CORO7: variants seen among roughly 807,000 people sequenced by gnomAD.
The protein encoded by CORO7 is coronin 7.
A neutral mutation model predicts 126.6 loss-of-function variants in CORO7; 107 were observed. The observed-to-expected ratio is 0.85, with a 90% confidence interval of 0.72 to 0.99. The LOEUF is 0.99. Ranked by LOEUF, CORO7 falls within the 50% of genes least tolerant of loss-of-function variation. CORO7 has a pLI of 0.00. For missense variants in CORO7, 1,314 were observed against 1,255.8 expected (o/e 1.05, Z -0.70); for synonymous variants, 603 against 536.8 (o/e 1.12, Z -1.70).
chr16:4,357,226 C>G lies in CORO7; in HGVS notation c.2627G>C (p.Arg876Pro). 6.2e-7 allele frequency: 1 copy of G among 1,613,626 alleles called. No individual in the cohort carries two copies. Among genetic ancestry groups the G allele is most frequent in the East Asian group, 2.2e-5 (1 of 44,870 alleles). Residue 876 changes from arginine to proline, a missense_variant, in exon 26 of 28, where the codon CGG becomes CCG. Transcript: ENST00000251166. ...CAGGTACTGCGCTGAGGATGGGGCC[C>G]GACGAGCAGGGGCCTCTCGGGGGGC... ...SQAPREAPARRAPSSAQYLEE... is the reference protein window; with the variant it reads ...SQAPREAPARPAPSSAQYLEE...
At chr16:4,375,313 C>G (rs1232165633) in intron 9 of CORO7, among the ~76,000 whole-genome samples, 2 of 152,202 alleles carry the variant, frequency 1.3e-5, no homozygotes, top group African/African-American at 4.8e-5. Context: ...CCAGCCCTGC[C>G]AGCTGGTCCA....
intron 4 of CORO7, 68 bp from the exon 5 acceptor site, chr16:4,407,752 C>T (rs1282277133): frequency 6.8e-7 from 1 of 1,480,076 alleles, no homozygotes; most frequent in African/African-American, 1.4e-5. Context: ...GCTGCCGTGA[C>T]CCCAGTGAGG....
intron 9 of CORO7, among the ~76,000 whole-genome samples, chr16:4,366,740 A>G (rs533347118): frequency 1.3e-5 from 2 of 151,766 alleles, no homozygotes; most frequent in African/African-American, 4.8e-5. Context: ...ACAAGGTCTC[A>G]CTATGCTTCC....
At position 4,357,211 on chromosome 16, in the gene CORO7, G is replaced by A. The variant is rs369689601; in HGVS notation, c.2642C>T (p.Ala881Val). ...GTCAGACTTTTCTTCCAGGTACTGC[G>A]CTGAGGATGGGGCCCGACGAGCAGG... ...EAPARRAPSS[A>V]QYLEEKSDQQ... The change falls in exon 26 of 28, where the codon GCG becomes GTG. Residue 881 changes from alanine (A) to valine (V), a missense_variant. Ala to Val is a moderately conservative substitution (Grantham distance 64, BLOSUM62 0). Coordinates refer to ENST00000251166, the MANE Select transcript of CORO7 (RefSeq NM_024535.5). The A allele has an allele frequency of 2.9e-5, 46 of 1,613,748 alleles. No homozygotes were observed. Among genetic ancestry groups the A allele is most frequent in the African/African-American group, 6.7e-5 (5 of 74,854 alleles).
intron 1 of CORO7, 106 bp downstream of exon 1, chr16:4,416,353 G>A: frequency 7.3e-7 from 1 of 1,360,716 alleles, no homozygotes; most frequent in Non-Finnish European, 9.5e-7. Flanking sequence ...TGGAGGTCTC[G>A]GGGTTCCAGA....
At chr16:4,376,062 C>A (rs897261692) in intron 9 of CORO7, among the ~76,000 whole-genome samples, 3 of 152,168 alleles carry the variant, frequency 2.0e-5, no homozygotes, top group Non-Finnish European at 4.4e-5. Flanking sequence ...TGGGGACCCC[C>A]GCTCAATCAC....
chr16:4,402,541 G>A (rs978042159), intron 6 of CORO7, among the ~76,000 whole-genome samples: 3 of 152,132 alleles, frequency 2.0e-5, no homozygotes, highest in Non-Finnish European at 2.9e-5. Context: ...GCCAGCGACC[G>A]GCCACCCGCC....
chr16:4,356,773 G>C (rs1009790459), intron 26 of CORO7: 1 of 225,410 alleles, frequency 4.4e-6, no homozygotes, highest in Non-Finnish European at 9.0e-6. Context: ...CAAAATCGAT[G>C]GGTTTCTATT....
intron 7 of CORO7, among the ~76,000 whole-genome samples, chr16:4,391,598 G>A (rs1404494965): frequency 1.3e-4 from 20 of 152,182 alleles, no homozygotes; most frequent in Admixed American, 1.3e-3. Context: ...TGACGTGGTG[G>A]TGCGTGCCTG....
intron 9 of CORO7, among the ~76,000 whole-genome samples, chr16:4,374,310 C>T (rs899957937): frequency 1.3e-5 from 2 of 152,108 alleles, no homozygotes; most frequent in South Asian, 2.1e-4. Context: ...CGCGCTGGGC[C>T]GCCGGCCTCC....
At chr16:4,383,866 G>C (rs1045236606) in intron 9 of CORO7, among the ~76,000 whole-genome samples, 2 of 152,244 alleles carry the variant, frequency 1.3e-5, no homozygotes, top group Admixed American at 1.3e-4. Context: ...CTGATGGGCA[G>C]TTCACTGCCT....
At chr16:4,385,364 A>G (rs2055159878) in intron 9 of CORO7, among the ~76,000 whole-genome samples, 3 of 152,080 alleles carry the variant, frequency 2.0e-5, no homozygotes, top group South Asian at 2.1e-4. Flanking sequence ...GGGAGGGCTT[A>G]GGGCCACTGT....
chr16:4,357,694 T>C, intron 25 of CORO7: 1 of 493,020 alleles, frequency 2.0e-6, no homozygotes, highest in East Asian at 3.6e-5. Flanking sequence ...TAAGAGGTGG[T>C]ATTAACAGTC....
At chr16:4,380,700 G>A (rs763210038) in intron 9 of CORO7, among the ~76,000 whole-genome samples, 1 of 152,250 alleles carries the variant, frequency 6.6e-6, no homozygotes, top group Non-Finnish European at 1.5e-5. Flanking sequence ...AGGGAGTGAC[G>A]GGGCTGGGAC....
In CORO7 at chr16:4,413,260, G is replaced by A. The variant is rs372153989; in HGVS notation, c.157+48C>T. The A allele has an allele frequency of 4.9e-5, 75 of 1,528,442 alleles. 1 individual carries two copies. The Middle Eastern group carries it at 1.1e-3, about 22-fold the overall frequency. 94.7% of individuals were successfully genotyped at this position (1,528,442 alleles called of 1,614,324 possible). On this transcript the variant is annotated intron_variant, in intron 2 of 27. Transcript: ENST00000251166. ...TGCTCCCCACCCCATCTATGGTGAC[G>A]ATGACCGAATATGTGAGCAAATATC...
At chr16:4,396,921 C>A (rs565804157) in intron 6 of CORO7, among the ~76,000 whole-genome samples, 44 of 147,848 alleles carry the variant, frequency 3.0e-4, no homozygotes, top group Admixed American at 2.8e-4. Flanking sequence ...GGGGCGGAGG[C>A]AGGAGAATCG....
At chr16:4,400,304 G>A (rs1232299163) in intron 6 of CORO7, among the ~76,000 whole-genome samples, 1 of 152,080 alleles carries the variant, frequency 6.6e-6, no homozygotes, top group African/African-American at 2.4e-5. Context: ...TTTGAGACCA[G>A]CCTGGTCAAC....
At position 4,359,300 on chromosome 16, in the gene CORO7, T is replaced by C. The variant is rs2054082066; in HGVS notation, c.2336A>G (p.His779Arg). 1.2e-6 allele frequency: 2 copies of C among 1,604,632 alleles called. No homozygotes were observed. The highest frequency in any genetic ancestry group is 1.7e-6 in the Non-Finnish European group (2 of 1,176,532). The change falls in exon 23 of 28, where the codon CAC (histidine) becomes CGC (arginine). Residue 779 changes from histidine (H) to arginine (R), a missense_variant. His to Arg is a conservative substitution (Grantham distance 29). Transcript: ENST00000251166. ...GAGGCGCCAGGGTGGCCTCACCTTG[T>C]GGGGGTCAGGCGACGTGAAGCTGTT... is the stretch of plus-strand genomic sequence containing the variant. ...ECNSFTSPDPHKGLVLLPKTE... is the reference protein window; with the variant it reads ...ECNSFTSPDPRKGLVLLPKTE...
intron 7 of CORO7, among the ~76,000 whole-genome samples, chr16:4,394,505 C>A (rs1380229335): frequency 2.0e-5 from 3 of 152,114 alleles, no homozygotes; most frequent in Non-Finnish European, 4.4e-5. Flanking sequence ...TAACCATGGG[C>A]CCGTATCCCC....
Sources: gnomAD v4.1 joint callset for allele counts (sites outside exome capture counted in the v4.1 genomes callset) on GRCh38, gnomAD v4.1.1 for gene constraint, MANE v1.5 for transcripts, NCBI Gene and HGNC (gene_info 2026-07-23, HGNC 2026-07-21) for gene names.